Variants in CFHR5 observed in about 807,000 individuals in gnomAD.
CFHR5 encodes complement factor H related 5.
Under a neutral mutation model 62.9 loss-of-function variants are expected in CFHR5, and 73 were observed. The ratio of observed to expected loss-of-function variants is 1.16; its 90% CI spans 0.96 to 1.41. The LOEUF (loss-of-function observed/expected upper bound fraction) is 1.41, where lower values mean the gene tolerates loss of function less well. Ranked by LOEUF, CFHR5 falls within the 40% of genes most tolerant of loss-of-function variation. The pLI, the probability that CFHR5 is intolerant of heterozygous loss-of-function variation, is 0.00. For synonymous variants in CFHR5, 249 were observed against 227.2 expected (o/e 1.10, Z -0.86); for missense variants, 779 against 679.9 (o/e 1.15, Z -1.62).
At chr1:197,005,497 T>C (rs1654262757) in intron 9 of CFHR5, among the ~76,000 whole-genome samples, 1 of 152,138 alleles carries the variant, frequency 6.6e-6, no homozygotes, top group African/African-American at 2.4e-5. Flanking sequence ...TTATGAAAAT[T>C]TGGAGATTCA....
intron 1 of CFHR5, among the ~76,000 whole-genome samples, chr1:196,978,202 T>C (rs184869311): frequency 3.3e-4 from 50 of 152,280 alleles, no homozygotes; most frequent in South Asian, 6.2e-4. Context: ...CAGGGAAATA[T>C]ATTTTAATGA....
chr1:196,989,577 T>C (rs1653786424), intron 3 of CFHR5, among the ~76,000 whole-genome samples: 1 of 152,176 alleles, frequency 6.6e-6, no homozygotes, highest in Non-Finnish European at 1.5e-5. Context: ...GTGGCTTTGT[T>C]CTCCTTGGTT....
chr1:196,985,445 G>T (rs377043224), intron 3 of CFHR5, among the ~76,000 whole-genome samples: 1 of 151,622 alleles, frequency 6.6e-6, no homozygotes, highest in Non-Finnish European at 1.5e-5. Context: ...AAACAGTTAC[G>T]TCATGGTCTC....
At chr1:196,985,660 T>C (rs562694877) in intron 3 of CFHR5, among the ~76,000 whole-genome samples, 1 of 152,204 alleles carries the variant, frequency 6.6e-6, no homozygotes, top group African/African-American at 2.4e-5. Context: ...TGATGGCTAT[T>C]GTCAGACCAA....
rs1226616819 is a variant in CFHR5, at chr1:196,984,098, G to A, written c.391G>A (p.Glu131Lys). The change falls in exon 3 of 10, where the codon GAA becomes AAA. Residue 131 changes from glutamate to lysine, a missense_variant. Coordinates refer to ENST00000256785, the MANE Select transcript of CFHR5 (RefSeq NM_030787.4). ...QNNEKNISCV[E>K]RGWSTPPICS... Reference sequence around the variant, plus strand: ...CAATGAGAAAAACATTTCGTGTGTAGAACGGGGCTGGTCCACTCCTCCCAT... The same window carrying A: ...CAATGAGAAAAACATTTCGTGTGTAAAACGGGGCTGGTCCACTCCTCCCAT... 1 of 1,613,798 alleles carries A rather than the reference G, an allele frequency of 6.2e-7. No individual in the cohort carries two copies. The highest frequency in any genetic ancestry group is 8.5e-7 in the Non-Finnish European group (1 of 1,179,840).
Position 197,004,766 on chromosome 1 carries a change from A to T in CFHR5, c.1436A>T (p.Gln479Leu), listed in dbSNP as rs144490092. The stretch of plus-strand genomic sequence containing the variant: ...GGGTCAACAGTGACGTACCGTTGCC[A>T]GTCCTTCTATAAACTCCAGGGCTCT... ...PPGSTVTYRC[Q>L]SFYKLQGSVT... Residue 479 changes from glutamine (Q) to leucine (L), a missense_variant, in exon 9 of 10, where the codon CAG becomes CTG. Transcript: ENST00000256785. The T allele has an allele frequency of 1.9e-6, 3 of 1,613,582 alleles. No individual in the cohort carries two copies. In the African/African-American group the frequency reaches 4.0e-5, roughly 22 times the overall value.
intron 3 of CFHR5, among the ~76,000 whole-genome samples, chr1:196,987,489 T>C (rs917371463): frequency 6.6e-6 from 1 of 151,990 alleles, no homozygotes; most frequent in Non-Finnish European, 1.5e-5. Flanking sequence ...GTTTTTATGG[T>C]TTTTAGGTCT....
At chr1:196,997,082 G>C (rs1031735554) in intron 6 of CFHR5, among the ~76,000 whole-genome samples, 1 of 151,888 alleles carries the variant, frequency 6.6e-6, no homozygotes, top group Non-Finnish European at 1.5e-5. Context: ...CAGACTTTCC[G>C]CCGCTGTTCT....
chr1:196,997,463 T>C (rs1464415031), intron 6 of CFHR5, among the ~76,000 whole-genome samples: 1 of 152,156 alleles, frequency 6.6e-6, no homozygotes, highest in Non-Finnish European at 1.5e-5. Context: ...CCCATCCTTT[T>C]ACACACTAAG....
intron 4 of CFHR5, 52 bp downstream of exon 4, chr1:196,994,308 T>A (rs1323733477): frequency 7.3e-7 from 1 of 1,373,142 alleles, no homozygotes; most frequent in South Asian, 1.2e-5. Context: ...TTTATAATAA[T>A]GCCCATATAT....
intron 9 of CFHR5, among the ~76,000 whole-genome samples, chr1:197,007,131 G>T (rs1048215276): frequency 5.3e-5 from 8 of 151,954 alleles, no homozygotes; most frequent in South Asian, 2.1e-4. Context: ...CACCACGCCC[G>T]GCCCAATGTA....
At chr1:196,992,127 C>T (rs1044162958) in intron 3 of CFHR5, among the ~76,000 whole-genome samples, 1 of 152,156 alleles carries the variant, frequency 6.6e-6, no homozygotes, top group African/African-American at 2.4e-5. Flanking sequence ...AGGCTGCTGC[C>T]TCACAGGTCG....
chr1:196,989,257 T>C (rs140925921), intron 3 of CFHR5, among the ~76,000 whole-genome samples: 1,961 of 152,124 alleles, frequency 0.013, 3 homozygotes, highest in African/African-American at 0.043. Context: ...GATTCATCTC[T>C]CTTTTCTTCT....
At chr1:197,001,796 T>A (rs1003594208) in intron 7 of CFHR5, among the ~76,000 whole-genome samples, 1 of 146,222 alleles carries the variant, frequency 6.8e-6, no homozygotes, top group African/African-American at 2.5e-5. Flanking sequence ...TGAAGGGAAG[T>A]GTTAGTAGAC....
chr1:197,002,625 T>C lies in CFHR5; in HGVS notation c.1291T>C (p.Cys431Arg), dbSNP rs756308122. The C allele has an allele frequency of 5.6e-6, 9 of 1,613,630 alleles. No individual in the cohort carries two copies. The highest frequency in any genetic ancestry group is 2.7e-5 in the African/African-American group (2 of 75,004). ...ACTTCCAGAAGCAAAAGAAATTGTATGTAAAGATGGACGATGGCAATCATT... is the reference window on the plus strand; with the variant it reads ...ACTTCCAGAAGCAAAAGAAATTGTACGTAAAGATGGACGATGGCAATCATT... ...YLLPEAKEIVCKDGRWQSLPR... is the reference protein window; with the variant it reads ...YLLPEAKEIVRKDGRWQSLPR... The change falls in exon 8 of 10, where the codon TGT becomes CGT. Residue 431 changes from cysteine (C) to arginine (R), a missense_variant. By Grantham distance (180) the Cys-to-Arg change is radical. Coordinates refer to ENST00000256785, the MANE Select transcript of CFHR5 (RefSeq NM_030787.4).
At chr1:196,982,833 T>G in intron 1 of CFHR5, 52 bp from the exon 2 acceptor site, 1 of 1,495,650 alleles carries the variant, frequency 6.7e-7, no homozygotes, top group East Asian at 2.3e-5. Context: ...ATCTAGTGAT[T>G]CATCGATGTA....
At chr1:196,998,693 A>G (rs1338030817) in intron 7 of CFHR5, among the ~76,000 whole-genome samples, 1 of 152,236 alleles carries the variant, frequency 6.6e-6, no homozygotes. Flanking sequence ...CTGAGTAAAA[A>G]GTAGGCTGAG....
Position 197,008,646 on chromosome 1 carries a change from G to T in CFHR5, c.1673G>T (p.Cys558Phe). The change falls in exon 10 of 10, where the codon TGT becomes TTT. Residue 558 changes from cysteine (C) to phenylalanine (F), a missense_variant. Coordinates refer to ENST00000256785, the MANE Select transcript of CFHR5 (RefSeq NM_030787.4). ...TCATCACCACCATTTCGAGCAATCT[G>T]TCAGGAAGGGAAATTTGAATATCCT... ...MISSPPFRAI[C>F]QEGKFEYPIC... The T allele has an allele frequency of 6.2e-7, 1 of 1,613,854 alleles. No individual in the cohort carries two copies. The highest frequency in any genetic ancestry group is 8.5e-7 in the Non-Finnish European group (1 of 1,179,848).
At chr1:196,988,073 G>A (rs1454179350) in intron 3 of CFHR5, among the ~76,000 whole-genome samples, 1 of 152,106 alleles carries the variant, frequency 6.6e-6, no homozygotes, top group Non-Finnish European at 1.5e-5. Context: ...TCTCCTTGAA[G>A]AGATTCTTCA....
Sources: gnomAD v4.1 joint callset for allele counts (sites outside exome capture counted in the v4.1 genomes callset) on GRCh38, gnomAD v4.1.1 for gene constraint, MANE v1.5 for transcripts, NCBI Gene and HGNC (gene_info 2026-07-23, HGNC 2026-07-21) for gene names.